The following STX7 variants were observed in gnomAD, a reference collection of about 807,000 sequenced individuals.
STX7 encodes the protein syntaxin-7.
STX7 carries 34 observed loss-of-function variants against 39.6 expected under a neutral mutation model. The ratio of observed to expected loss-of-function variants is 0.86; its 90% confidence interval spans 0.65 to 1.14. The LOEUF (loss-of-function observed/expected upper bound fraction) is 1.14, where lower values mean the gene tolerates loss of function less well. Among genes scored for constraint, STX7 ranks in the 50% most tolerant of loss-of-function variants. STX7 has a pLI of 0.00. For missense variants in STX7, 284 were observed against 310.4 expected (o/e 0.92, Z 0.64); for synonymous variants, 119 against 99.1 (o/e 1.20, Z -1.19).
intron 2 of STX7, among the ~76,000 whole-genome samples, chr6:132,496,405 T>C (rs893250303): frequency 6.6e-6 from 1 of 152,166 alleles, no homozygotes; most frequent in East Asian, 1.9e-4. Context: ...TTTCCTTCAA[T>C]ACAAAATTTT....
intron 3 of STX7, among the ~76,000 whole-genome samples, chr6:132,474,943 G>A (rs1421666704): frequency 6.6e-6 from 1 of 152,106 alleles, no homozygotes; most frequent in African/African-American, 2.4e-5. Flanking sequence ...AGCTGGTTAT[G>A]TATTGGATCT....
In STX7 at chr6:132,450,766, C is replaced by T. The variant is rs1279891517; in HGVS notation, c.*9992G>A. The T allele has an allele frequency of 6.6e-6, 1 of 151,966 alleles. No individual in the cohort carries two copies. The allele number at this position is 151,966 out of a possible 1,614,324, so 9.4% of individuals were successfully genotyped here. A position where few individuals can be genotyped will look rare whatever the true frequency, so the allele number is the denominator to read the frequency against. The stretch of plus-strand genomic sequence containing the variant: ...AGAAAACAGGCAGAACAAAGATGAA[C>T]AGAACCTCAGGGACTTACGGAACTA... On this transcript the variant is annotated 3_prime_UTR_variant, in exon 10 of 10. Transcript: ENST00000367941.
At chr6:132,484,620 G>A (rs1012069287) in intron 2 of STX7, among the ~76,000 whole-genome samples, 9 of 152,028 alleles carry the variant, frequency 5.9e-5, no homozygotes, top group Non-Finnish European at 1.0e-4. Context: ...TGTTTTCAAC[G>A]TAAAATAACC....
chr6:132,468,394 A>G lies in STX7; in HGVS notation c.610+9T>C. On this transcript the variant is annotated intron_variant, in intron 8 of 9. Coordinates refer to ENST00000367941, the MANE Select transcript of STX7 (RefSeq NM_003569.3). Reference sequence around the variant, plus strand: ...TCTCACCTCCAAAATCTAAGTCAGCAGGTCTTACCTATTACATCTCCTTGT... The same window carrying G: ...TCTCACCTCCAAAATCTAAGTCAGCGGGTCTTACCTATTACATCTCCTTGT... The G allele has an allele frequency of 6.2e-7, 1 of 1,605,310 alleles. No homozygotes were observed. Among genetic ancestry groups the G allele is most frequent in the Non-Finnish European group, 8.5e-7 (1 of 1,174,664 alleles).
At chr6:132,491,023 G>GCA (rs1462090957) in intron 2 of STX7, among the ~76,000 whole-genome samples, 5 of 150,890 alleles carry the variant, frequency 3.3e-5, no homozygotes, top group African/African-American at 5.0e-5. Flanking sequence ...GCACAGCACA[G>GCA]CAGAGAGAAT....
intron 3 of STX7, among the ~76,000 whole-genome samples, chr6:132,473,115 C>T (rs1246024268): frequency 6.6e-6 from 1 of 152,124 alleles, no homozygotes; most frequent in Non-Finnish European, 1.5e-5. Flanking sequence ...GCTGAGATTG[C>T]ACCACTGCAC....
intron 2 of STX7, among the ~76,000 whole-genome samples, chr6:132,477,057 G>A (rs1218610828): frequency 3.9e-5 from 6 of 152,186 alleles, no homozygotes; most frequent in South Asian, 2.1e-4. Context: ...TGGTCACCGC[G>A]AATGATGTAA....
intron 1 of STX7, among the ~76,000 whole-genome samples, chr6:132,506,232 C>T (rs1461921115): frequency 6.6e-6 from 1 of 151,826 alleles, no homozygotes; most frequent in Non-Finnish European, 1.5e-5. Flanking sequence ...GGCAACAAGA[C>T]AAAAAACAGA....
intron 1 of STX7, among the ~76,000 whole-genome samples, chr6:132,511,689 C>G (rs978339706): frequency 2.2e-4 from 33 of 152,336 alleles, no homozygotes; most frequent in African/African-American, 7.0e-4. Flanking sequence ...TTAGCTCTTT[C>G]ATCACTGACC....
At chr6:132,494,381 A>T (rs901349463) in intron 2 of STX7, among the ~76,000 whole-genome samples, 4 of 152,204 alleles carry the variant, frequency 2.6e-5, no homozygotes, top group Admixed American at 2.0e-4. Context: ...AAAGTAAAAA[A>T]ATAAGTAAAC....
Position 132,447,404 on chromosome 6 carries a change from T to C in STX7, c.*13354A>G, listed in dbSNP as rs1582634971. 1 of 152,210 alleles carries C rather than the reference T, an allele frequency of 6.6e-6. No homozygotes were observed. Among genetic ancestry groups the C allele is most frequent in the Non-Finnish European group, 1.5e-5 (1 of 68,034 alleles). The allele number at this position is 152,210 out of a possible 1,614,324, so 9.4% of individuals were successfully genotyped here. On this transcript the variant is annotated 3_prime_UTR_variant, in exon 10 of 10. Transcript: ENST00000367941. The stretch of plus-strand genomic sequence containing the variant: ...CCTTTATCATTTTCCTTCTAAATCT[T>C]TTATACATGCTTAAGAAATATGCAC...
At chr6:132,500,629 G>C (rs527990268) in intron 2 of STX7, among the ~76,000 whole-genome samples, 12 of 152,330 alleles carry the variant, frequency 7.9e-5, no homozygotes, top group African/African-American at 2.9e-4. Context: ...ACTACAATGA[G>C]AGCAGGACCT....
Position 132,457,005 on chromosome 6 carries a change from A to C in STX7, c.*3753T>G, listed in dbSNP as rs1402330709. 6.6e-6 allele frequency: 1 copy of C among 152,280 alleles called. No individual in the cohort carries two copies. The highest frequency in any genetic ancestry group is 1.5e-5 in the Non-Finnish European group (1 of 68,092). 9.4% of individuals were successfully genotyped at this position (152,280 alleles called of 1,614,324 possible). A position where few individuals can be genotyped will look rare whatever the true frequency, so the allele number is the denominator to read the frequency against. Reference sequence around the variant, plus strand: ...CAAGGCACTGGCTTTGGAGCTATTAACAGCTGACAGCTGGGGACAGCTCCC... The same window carrying C: ...CAAGGCACTGGCTTTGGAGCTATTACCAGCTGACAGCTGGGGACAGCTCCC... On this transcript the variant is annotated 3_prime_UTR_variant, in exon 10 of 10. Coordinates refer to ENST00000367941, the MANE Select transcript of STX7 (RefSeq NM_003569.3).
intron 1 of STX7, among the ~76,000 whole-genome samples, chr6:132,504,815 T>A (rs1187471492): frequency 2.0e-5 from 3 of 152,218 alleles, no homozygotes; most frequent in African/African-American, 7.2e-5. Flanking sequence ...CATCCTTGTC[T>A]GGAAAGAATT....
At chr6:132,472,692 T>C (rs919075198) in intron 3 of STX7, among the ~76,000 whole-genome samples, 7 of 152,186 alleles carry the variant, frequency 4.6e-5, no homozygotes, top group African/African-American at 9.7e-5. Context: ...TCCTTTATGT[T>C]TGAGATACTG....
intron 9 of STX7, chr6:132,461,581 A>G (rs1311855256): frequency 1.0e-5 from 4 of 395,834 alleles, no homozygotes; most frequent in Non-Finnish European, 1.8e-5. Context: ...CAGTGCTGGG[A>G]TTACAGGCGT....
In STX7 at chr6:132,481,598, C is replaced by T. The variant is rs180867479; in HGVS notation, c.86-5936G>A. On this transcript the variant is annotated intron_variant, in intron 2 of 9. Coordinates refer to ENST00000367941, the MANE Select transcript of STX7 (RefSeq NM_003569.3). ...AATTTTTTAAGATAATACAATGTCT[C>T]ATAAAATGAAGCCTCTCAGAAAACA... Among the ~76,000 whole-genome samples the T allele has an allele frequency of 4.3e-3, 650 of 152,222 alleles. 23 individuals carry two copies. Among genetic ancestry groups the T allele is most frequent in the Admixed American group, 0.039 (599 of 15,282 alleles).
At chr6:132,480,665 A>G (rs1312751749) in intron 2 of STX7, among the ~76,000 whole-genome samples, 1 of 152,232 alleles carries the variant, frequency 6.6e-6, no homozygotes, top group Non-Finnish European at 1.5e-5. Flanking sequence ...ATCTTCACTC[A>G]TAAAAGTGAG....
At chr6:132,511,292 C>G (rs1340520800) in intron 1 of STX7, among the ~76,000 whole-genome samples, 1 of 152,174 alleles carries the variant, frequency 6.6e-6, no homozygotes, top group Non-Finnish European at 1.5e-5. Flanking sequence ...TGGGCCTTTG[C>G]TGGGTGCCAT....
Sources: gnomAD v4.1 joint callset for allele counts (sites outside exome capture counted in the v4.1 genomes callset) on GRCh38, gnomAD v4.1.1 for gene constraint, MANE v1.5 for transcripts, NCBI Gene and HGNC (gene_info 2026-07-23, HGNC 2026-07-21) for gene names.